The following STAU1 variants were observed in gnomAD, a reference collection of about 807,000 sequenced individuals.
STAU1 encodes the protein staufen double-stranded RNA binding protein 1.
A neutral mutation model predicts 62.9 loss-of-function variants in STAU1; 13 were observed. The observed-to-expected ratio is 0.21, with a 90% CI of 0.13 to 0.33. The LOEUF (loss-of-function observed/expected upper bound fraction) is 0.33, where lower values mean the gene tolerates loss of function less well. Ranked by LOEUF, STAU1 falls within the 10% of genes least tolerant of loss-of-function variation. The pLI is 1.00. For synonymous variants in STAU1, 269 were observed against 265.1 expected (o/e 1.01, Z -0.14); for missense variants, 571 against 712.1 (o/e 0.80, Z 2.25).
chr20:49,189,641 A>C (rs923255850), upstream of STAU1, among the ~76,000 whole-genome samples: 3 of 151,256 alleles, frequency 2.0e-5, no homozygotes, highest in Non-Finnish European at 3.0e-5. Flanking sequence ...AAAAAAAAAA[A>C]AGAATCTTGA....
At chr20:49,165,199 C>CAT (rs1232534485) in intron 3 of STAU1, among the ~76,000 whole-genome samples, 1 of 152,114 alleles carries the variant, frequency 6.6e-6, no homozygotes, top group East Asian at 1.9e-4. Flanking sequence ...CACGCACCAC[C>CAT]ATGCCCAGCT....
upstream of STAU1, among the ~76,000 whole-genome samples, chr20:49,191,370 C>A (rs958734906): frequency 2.0e-5 from 3 of 152,206 alleles, no homozygotes; most frequent in African/African-American, 7.2e-5. Context: ...GAACTTTGCA[C>A]CCTTATAATT....
chr20:49,165,961 A>G (rs368968268), intron 3 of STAU1, 36 bp downstream of exon 3: 216 of 1,605,666 alleles, frequency 1.3e-4, no homozygotes, highest in Non-Finnish European at 1.7e-4. Context: ...GTAAGAAAAC[A>G]TTTGAAATAG....
At chr20:49,141,432 A>T (rs762115702) in intron 5 of STAU1, among the ~76,000 whole-genome samples, 2 of 152,186 alleles carry the variant, frequency 1.3e-5, no homozygotes, top group South Asian at 2.1e-4. Flanking sequence ...TCTACAAAAA[A>T]ATTTTAAGAT....
At position 49,117,748 on chromosome 20, in the gene STAU1, A is replaced by G; in HGVS notation, c.1509+29T>C. 1 of 1,572,074 alleles carries G rather than the reference A, an allele frequency of 6.4e-7. No homozygotes were observed. The highest frequency in any genetic ancestry group is 1.2e-5 in the South Asian group (1 of 86,484). On this transcript the variant is annotated intron_variant, in intron 11 of 13. Transcript: ENST00000371856. This position sits in a 1 kb window ranked among gnomAD's most constrained non-coding sequence, Gnocchi z 4.6. ...CCAAAAGATGACTGTCCTGAGGCACAGCCATCACAGCTCAGGCCAGACAGT... is the reference window on the plus strand; with the variant it reads ...CCAAAAGATGACTGTCCTGAGGCACGGCCATCACAGCTCAGGCCAGACAGT...
At position 49,188,310 on chromosome 20, in the gene STAU1, G is replaced by A. The variant is rs972759492; in HGVS notation, c.-354C>T. 2 of 151,988 alleles carry A rather than the reference G, an allele frequency of 1.3e-5. No individual in the cohort carries two copies. The highest frequency in any genetic ancestry group is 2.4e-5 in the African/African-American group (1 of 41,390). The allele number at this position is 151,988 out of a possible 1,614,324, so 9.4% of individuals were successfully genotyped here. ...GGAAGCGGGAGCCGAGAGAGACGCG[G>A]CAGCCGCCGGCGCAAACGCTGAAGA... On this transcript the variant is annotated 5_prime_UTR_variant, in exon 1 of 14. Transcript: ENST00000371856.
At chr20:49,195,276 G>A in the STAU1 span, among the ~76,000 whole-genome samples, 5 of 151,932 alleles carry the variant, frequency 3.3e-5, no homozygotes, top group Non-Finnish European at 7.4e-5. Flanking sequence ...TGTGGCTCAC[G>A]CCTGTAATCC....
At chr20:49,172,547 C>G (rs949561066) in intron 2 of STAU1, among the ~76,000 whole-genome samples, 6 of 152,300 alleles carry the variant, frequency 3.9e-5, no homozygotes, top group South Asian at 4.1e-4. Context: ...TAATGGTTAA[C>G]AGGCTTTTCC....
chr20:49,213,601 T>A, the STAU1 span, among the ~76,000 whole-genome samples: 213 of 152,336 alleles, frequency 1.4e-3, no homozygotes, highest in African/African-American at 4.7e-3. Context: ...CATGCTTACT[T>A]ACCCAATTAA....
In STAU1 at chr20:49,124,808, C is replaced by A. The variant is rs116304736; in HGVS notation, c.610-221G>T. ...GTCTGGTGAGTCCCAAACAGTCAGG[C>A]ATGAAATAGGGAGACCTTTTTACTC... is the stretch of plus-strand genomic sequence containing the variant. On this transcript the variant is annotated intron_variant, in intron 6 of 13. Coordinates refer to ENST00000371856, the MANE Select transcript of STAU1 (RefSeq NM_017453.4). Among the ~76,000 whole-genome samples, 547 of 152,262 alleles carry A rather than the reference C, an allele frequency of 3.6e-3. 2 individuals are homozygous for A. Among genetic ancestry groups the A allele is most frequent in the African/African-American group, 0.013 (529 of 41,558 alleles).
the STAU1 span, among the ~76,000 whole-genome samples, chr20:49,205,432 C>T: frequency 4.4e-5 from 6 of 137,778 alleles, no homozygotes; most frequent in African/African-American, 1.6e-4. Flanking sequence ...GCGGCACGAT[C>T]TCGGCTCACT....
chr20:49,120,563 T>A (rs1332831830), intron 8 of STAU1, among the ~76,000 whole-genome samples: 4 of 152,172 alleles, frequency 2.6e-5, no homozygotes, highest in Non-Finnish European at 5.9e-5. Context: ...ATACAAATGC[T>A]ACGTATCAAA....
At chr20:49,212,615 A>ATTTTTTTTTTTTTTTTTTTTTTTTT in the STAU1 span, among the ~76,000 whole-genome samples, 25 of 85,172 alleles carry the variant, frequency 2.9e-4, 5 homozygotes, top group African/African-American at 1.0e-3. Context: ...AGCTATTGGA[A>ATTTTTTTTTTTTTTTTTTTTTTTTT]TTTTTTTTTT....
At chr20:49,185,445 T>C (rs1440738955) in intron 1 of STAU1, among the ~76,000 whole-genome samples, 1 of 152,220 alleles carries the variant, frequency 6.6e-6, no homozygotes, top group African/African-American at 2.4e-5. Flanking sequence ...CAAGAGTTAA[T>C]TTTCTTCTTC....
chr20:49,217,410 C>T, the STAU1 span, among the ~76,000 whole-genome samples: 5 of 151,616 alleles, frequency 3.3e-5, no homozygotes, highest in Admixed American at 3.3e-4. Flanking sequence ...CTGACAGTAC[C>T]GTAATAACGG....
chr20:49,189,530 G>A (rs1163424217), upstream of STAU1, among the ~76,000 whole-genome samples: 4 of 144,632 alleles, frequency 2.8e-5, no homozygotes, highest in Non-Finnish European at 6.0e-5. Context: ...TGAGGCAGGA[G>A]AATCTCTTGA....
intron 5 of STAU1, among the ~76,000 whole-genome samples, chr20:49,148,084 A>C (rs1242277243): frequency 2.0e-5 from 3 of 152,182 alleles, no homozygotes; most frequent in Admixed American, 1.3e-4. Flanking sequence ...GTCTCTCTTT[A>C]TTCCCCTACT....
At chr20:49,206,839 T>G in the STAU1 span, among the ~76,000 whole-genome samples, 1 of 150,186 alleles carries the variant, frequency 6.7e-6, no homozygotes, top group Non-Finnish European at 1.5e-5. Flanking sequence ...CACTGAAATA[T>G]TCACCTCCCG....
chr20:49,218,759 G>A, the STAU1 span, among the ~76,000 whole-genome samples: 1 of 151,404 alleles, frequency 6.6e-6, no homozygotes, highest in Admixed American at 6.6e-5. Flanking sequence ...AAAAGTTTCG[G>A]GGCTGTGCGC....
Sources: allele counts gnomAD v4.1 joint callset (sites outside exome capture counted in the v4.1 genomes callset), GRCh38; gene constraint gnomAD v4.1.1; non-coding constraint Gnocchi (gnomAD v3.1); transcripts MANE v1.5; gene names NCBI Gene and HGNC (gene_info 2026-07-23, HGNC 2026-07-21).